NSMAF: variants seen among roughly 807,000 people sequenced by gnomAD.
The protein encoded by NSMAF is protein FAN.
A neutral mutation model predicts 134.9 loss-of-function variants in NSMAF; 90 were observed. That is an observed-to-expected ratio of 0.67 (90% CI 0.56 to 0.79). The LOEUF is 0.79. NSMAF is among the 30% of genes least tolerant of loss of function. The pLI, the probability that NSMAF is intolerant of heterozygous loss-of-function variation, is 0.00. For synonymous variants in NSMAF, 358 were observed against 389.6 expected (o/e 0.92, Z 0.96); for missense variants, 1,010 against 1,119.0 (o/e 0.90, Z 1.39).
intron 5 of NSMAF, among the ~76,000 whole-genome samples, chr8:58,634,152 G>A (rs181706670): frequency 6.6e-6 from 1 of 152,150 alleles, no homozygotes; most frequent in Non-Finnish European, 1.5e-5. Flanking sequence ...GCAGTAGATG[G>A]TTGTCACTGT....
At chr8:58,595,519 C>A in intron 22 of NSMAF, 41 bp downstream of exon 22, 2 of 1,429,164 alleles carry the variant, frequency 1.4e-6, no homozygotes, top group Non-Finnish European at 2.0e-6. Context: ...TAACTTTTAC[C>A]AGGACTATCA....
intron 2 of NSMAF, among the ~76,000 whole-genome samples, chr8:58,637,017 T>TACACAC (rs34638032): frequency 1.4e-5 from 2 of 146,910 alleles, no homozygotes; most frequent in South Asian, 2.1e-4. Context: ...ATTAAGATTA[T>TACACAC]ACACACACAC....
At chr8:58,631,725 T>C (rs1299945938) in intron 5 of NSMAF, among the ~76,000 whole-genome samples, 179 bp from the exon 6 acceptor site, 1 of 152,044 alleles carries the variant, frequency 6.6e-6, no homozygotes, top group African/African-American at 2.4e-5. Context: ...GGTGTTAAAA[T>C]AACAAATATC....
intron 27 of NSMAF, among the ~76,000 whole-genome samples, chr8:58,586,975 T>C (rs1291606856): frequency 2.0e-5 from 3 of 152,198 alleles, no homozygotes; most frequent in Admixed American, 1.3e-4. Context: ...GAGGGATTTG[T>C]GGGAGTGGCG....
intron 25 of NSMAF, 111 bp from the exon 26 acceptor site, chr8:58,589,686 T>G (rs1292300703): frequency 9.6e-7 from 1 of 1,036,330 alleles, no homozygotes; most frequent in Non-Finnish European, 1.3e-6. Flanking sequence ...TAAGGCTCAC[T>G]AGAATTACAA....
chr8:58,588,048 A>G (rs1295627563), intron 26 of NSMAF, among the ~76,000 whole-genome samples: 1 of 152,236 alleles, frequency 6.6e-6, no homozygotes, highest in Non-Finnish European at 1.5e-5. Flanking sequence ...TTACCCCCAA[A>G]ATAACTAAAA....
At position 58,593,293 on chromosome 8, in the gene NSMAF, A is replaced by G. The variant is rs147591576; in HGVS notation, c.1951+939T>C. On this transcript the variant is annotated intron_variant, in intron 23 of 30. Transcript: ENST00000038176. ...GTAGAATCACTTCTATGCTTTGTGG[A>G]AAATTTTTTTATATACAATCCAAGA... Among the ~76,000 whole-genome samples, 106 of 152,322 alleles carry G rather than the reference A, an allele frequency of 7.0e-4. 1 individual carries two copies. Among genetic ancestry groups the G allele is most frequent in the African/African-American group, 2.4e-3 (100 of 41,568 alleles).
At chr8:58,627,738 T>A (rs1240205240) in intron 6 of NSMAF, among the ~76,000 whole-genome samples, 2 of 152,118 alleles carry the variant, frequency 1.3e-5, no homozygotes, top group African/African-American at 4.8e-5. Flanking sequence ...TGGAAACATA[T>A]CCCATGCTCA....
chr8:58,610,554 G>A (rs1370725650), intron 9 of NSMAF, among the ~76,000 whole-genome samples: 1 of 152,122 alleles, frequency 6.6e-6, no homozygotes, highest in African/African-American at 2.4e-5. Context: ...TTTTAAAACC[G>A]ACTGGAATGT....
chr8:58,633,642 T>C (rs1166980900), intron 5 of NSMAF, among the ~76,000 whole-genome samples: 2 of 152,214 alleles, frequency 1.3e-5, no homozygotes, highest in East Asian at 3.8e-4. Flanking sequence ...TAATACTTAT[T>C]GAATCCATGA....
At chr8:58,656,016 CTTTT>C (rs143612297) in intron 1 of NSMAF, among the ~76,000 whole-genome samples, 1 of 150,664 alleles carries the variant, frequency 6.6e-6, no homozygotes, top group Non-Finnish European at 1.5e-5. Flanking sequence ...CTATCTAAAT[CTTTT>C]TTTTGTTTGT....
rs774986923 is a variant in NSMAF, at chr8:58,595,626, C to T, written c.1826G>A (p.Ser609Asn). Residue 609 changes from serine to asparagine, a missense_variant, in exon 22 of 31, where the codon AGC becomes AAC. Physicochemically the swap from Ser to Asn is conservative, Grantham distance 46. Transcript: ENST00000038176. ...EESFEDLTEE[S>N]KTLAWNNITK... Reference sequence around the variant, plus strand: ...GATGTTATTCCAGGCCAGTGTTTTGCTTTCTTCGGTCAGGTCTTCAAAAGA... The same window carrying T: ...GATGTTATTCCAGGCCAGTGTTTTGTTTTCTTCGGTCAGGTCTTCAAAAGA... 6.2e-6 allele frequency: 10 copies of T among 1,614,046 alleles called. No individual in the cohort carries two copies. The South Asian group carries it at 1.1e-4, about 18-fold the overall frequency.
intron 26 of NSMAF, among the ~76,000 whole-genome samples, chr8:58,588,967 C>T (rs1447952376): frequency 2.0e-5 from 3 of 151,776 alleles, no homozygotes; most frequent in Non-Finnish European, 4.4e-5. Flanking sequence ...TAAGAAGTGG[C>T]TATAATTCCC....
chr8:58,653,696 G>A (rs1807637611), intron 1 of NSMAF, among the ~76,000 whole-genome samples: 1 of 151,972 alleles, frequency 6.6e-6, no homozygotes. Context: ...TCTATGAGTT[G>A]GACATTTTAA....
At chr8:58,593,129 A>T (rs1048138281) in intron 23 of NSMAF, among the ~76,000 whole-genome samples, 4 of 152,204 alleles carry the variant, frequency 2.6e-5, no homozygotes. Flanking sequence ...ACTTTGTCTG[A>T]GGCTATAATT....
chr8:58,589,107 G>T (rs921267407), intron 26 of NSMAF, among the ~76,000 whole-genome samples: 21 of 149,392 alleles, frequency 1.4e-4, no homozygotes, highest in African/African-American at 4.9e-4. Context: ...TATGTGATAC[G>T]TAAGGATATT....
intron 22 of NSMAF, among the ~76,000 whole-genome samples, chr8:58,595,252 G>A (rs1251511933): frequency 6.6e-6 from 1 of 152,120 alleles, no homozygotes; most frequent in Non-Finnish European, 1.5e-5. Context: ...GATTCAAGGA[G>A]CTGTGTACTC....
At chr8:58,632,918 C>A (rs753657919) in intron 5 of NSMAF, among the ~76,000 whole-genome samples, 3 of 152,198 alleles carry the variant, frequency 2.0e-5, no homozygotes, top group African/African-American at 4.8e-5. Flanking sequence ...TTATACCCTG[C>A]GACCAATCCG....
intron 6 of NSMAF, among the ~76,000 whole-genome samples, chr8:58,625,601 A>C (rs1158870834): frequency 6.6e-6 from 1 of 152,198 alleles, no homozygotes; most frequent in Non-Finnish European, 1.5e-5. Context: ...AAGTATGGCT[A>C]GCTCTGTTGT....
Sources: gnomAD v4.1 joint callset for allele counts (sites outside exome capture counted in the v4.1 genomes callset) on GRCh38, gnomAD v4.1.1 for gene constraint, MANE v1.5 for transcripts, NCBI Gene and HGNC (gene_info 2026-07-23, HGNC 2026-07-21) for gene names.